EPHA6: variants seen among roughly 807,000 people sequenced by gnomAD.
EPHA6 encodes EPH receptor A6, also known as ephrin type-A receptor 6.
Under a neutral mutation model 112.0 loss-of-function variants are expected in EPHA6, and 50 were observed. The observed-to-expected ratio is 0.45, with a 90% CI of 0.36 to 0.56. The LOEUF is 0.56. Ranked by LOEUF, EPHA6 falls within the 20% of genes least tolerant of loss-of-function variation. The pLI is 0.00. For synonymous variants in EPHA6, 529 were observed against 490.7 expected (o/e 1.08, Z -1.03); for missense variants, 1,280 against 1,417.4 (o/e 0.90, Z 1.56).
intron 3 of EPHA6, among the ~76,000 whole-genome samples, chr3:97,126,302 G>A (rs757659265): frequency 1.3e-5 from 2 of 152,158 alleles, no homozygotes; most frequent in African/African-American, 2.4e-5. Context: ...ACATGCACTG[G>A]CAGCTTGGAG....
At chr3:97,409,745 C>T (rs1019196940) in intron 6 of EPHA6, among the ~76,000 whole-genome samples, 7 of 152,004 alleles carry the variant, frequency 4.6e-5, no homozygotes, top group African/African-American at 1.7e-4. Context: ...TTCTCACATC[C>T]AGTATTTTAA....
rs117527701 is a variant in EPHA6, at chr3:97,719,601, A to C, written c.2785-660A>C. On this transcript the variant is annotated intron_variant, in intron 14 of 17. Coordinates refer to ENST00000389672, the MANE Select transcript of EPHA6 (RefSeq NM_001080448.3). ...GCAGACTTTAATTCTTGAACCTTTA[A>C]ATTCATACAATTTAATTCCTTTAAT... is the stretch of plus-strand genomic sequence containing the variant. Among the ~76,000 whole-genome samples the C allele has an allele frequency of 5.4e-4, 82 of 152,344 alleles. 3 individuals carry two copies. In the East Asian group the frequency reaches 0.015, roughly 28 times the overall value.
At chr3:96,933,413 A>G (rs1029870348) in intron 2 of EPHA6, among the ~76,000 whole-genome samples, 6 of 152,032 alleles carry the variant, frequency 3.9e-5, no homozygotes, top group Non-Finnish European at 8.8e-5. Context: ...TTTTAGCTAA[A>G]TATGTTTATA....
At chr3:97,363,171 AAT>A (rs58214738) in intron 5 of EPHA6, among the ~76,000 whole-genome samples, 9 of 51,456 alleles carry the variant, frequency 1.7e-4, no homozygotes, top group Admixed American at 6.4e-4. Context: ...TTGCCCCTGC[AAT>A]ATATATATAT....
At chr3:97,339,778 TG>T (rs2083218416) in intron 5 of EPHA6, among the ~76,000 whole-genome samples, 1 of 152,214 alleles carries the variant, frequency 6.6e-6, no homozygotes, top group African/African-American at 2.4e-5. Context: ...CAGTAGCTCC[TG>T]GGTACTCCAC....
intron 1 of EPHA6, 31 bp from the exon 2 acceptor site, chr3:96,866,794 C>T (rs931856281): frequency 6.2e-6 from 8 of 1,291,318 alleles, no homozygotes; most frequent in Middle Eastern, 2.3e-4. Context: ...TTGAGAAATT[C>T]ATGGAATTTT....
At chr3:97,118,197 C>A (rs927298744) in intron 3 of EPHA6, among the ~76,000 whole-genome samples, 2 of 151,710 alleles carry the variant, frequency 1.3e-5, no homozygotes, top group African/African-American at 4.8e-5. Flanking sequence ...GTGCTTTGGA[C>A]CTTATTTCAG....
chr3:97,306,179 C>T (rs1215965313), intron 5 of EPHA6, among the ~76,000 whole-genome samples: 1 of 151,774 alleles, frequency 6.6e-6, no homozygotes, highest in Non-Finnish European at 1.5e-5. Flanking sequence ...GGTACCTATC[C>T]CTCTATCATG....
At chr3:96,969,000 A>G (rs2042224148) in intron 2 of EPHA6, among the ~76,000 whole-genome samples, 1 of 151,920 alleles carries the variant, frequency 6.6e-6, no homozygotes, top group Non-Finnish European at 1.5e-5. Flanking sequence ...AGTAAATCTA[A>G]ATTACACTCT....
At chr3:96,994,730 T>TAGAGAGAGAGAGAGAGAGAGAGAGAG (rs1325190702) in intron 3 of EPHA6, among the ~76,000 whole-genome samples, 7 of 82,830 alleles carry the variant, frequency 8.5e-5, no homozygotes, top group African/African-American at 5.0e-4. Flanking sequence ...TATATATATA[T>TAGAGAGAGAGAGAGAGAGAGAGAGAG]ATAGAGAGAG....
At chr3:97,155,672 G>T (rs2076272689) in intron 3 of EPHA6, among the ~76,000 whole-genome samples, 1 of 152,102 alleles carries the variant, frequency 6.6e-6, no homozygotes, top group Non-Finnish European at 1.5e-5. Context: ...AAGCTCATTT[G>T]AGTTGTTGGT....
intron 12 of EPHA6, among the ~76,000 whole-genome samples, chr3:97,602,770 G>T (rs1460042957): frequency 1.3e-5 from 2 of 151,982 alleles, no homozygotes; most frequent in African/African-American, 4.8e-5. Context: ...ATTTAGAGTA[G>T]TATCTATTTT....
At position 96,987,799 on chromosome 3, in the gene EPHA6, A is replaced by G. The variant is rs752269854; in HGVS notation, c.920A>G (p.Asn307Ser). ...FYKKCPFTVR[N>S]LAMFPDTIPR... is the part of the protein sequence containing the mutation. ...AAGAAATGCCCCTTCACTGTTCGTAACTTGGCCATGTTTCCTGATACCATT... is the reference window on the plus strand; with the variant it reads ...AAGAAATGCCCCTTCACTGTTCGTAGCTTGGCCATGTTTCCTGATACCATT... Residue 307 changes from asparagine (N) to serine (S), a missense_variant, in exon 3 of 18, where the codon AAC (asparagine) becomes AGC (serine). Asn to Ser is a conservative substitution (Grantham distance 46). This residue lies in a region of EPHA6 where 878 missense variants were observed against 999.7 expected (regional missense o/e 0.88). Coordinates refer to ENST00000389672, the MANE Select transcript of EPHA6 (RefSeq NM_001080448.3). 1 of 1,613,806 alleles carries G rather than the reference A, an allele frequency of 6.2e-7. No individual in the cohort carries two copies. Among genetic ancestry groups the G allele is most frequent in the Non-Finnish European group, 8.5e-7 (1 of 1,179,894 alleles).
intron 13 of EPHA6, among the ~76,000 whole-genome samples, chr3:97,628,042 G>A (rs1163559034): frequency 2.6e-5 from 4 of 151,906 alleles, no homozygotes; most frequent in African/African-American, 9.7e-5. Context: ...TTGGAATAGA[G>A]GCATAGCATG....
At chr3:97,101,058 T>C (rs955525726) in intron 3 of EPHA6, among the ~76,000 whole-genome samples, 4 of 152,050 alleles carry the variant, frequency 2.6e-5, no homozygotes, top group African/African-American at 9.7e-5. Context: ...GATTTTCAAC[T>C]TAAGGCACAT....
At chr3:97,714,932 G>T (rs2034146061) in intron 14 of EPHA6, among the ~76,000 whole-genome samples, 1 of 152,104 alleles carries the variant, frequency 6.6e-6, no homozygotes, top group Non-Finnish European at 1.5e-5. Flanking sequence ...AATAACCAAT[G>T]GTTACCCATT....
At chr3:97,181,169 G>A (rs1488843467) in intron 3 of EPHA6, among the ~76,000 whole-genome samples, 1 of 152,112 alleles carries the variant, frequency 6.6e-6, no homozygotes, top group Non-Finnish European at 1.5e-5. Context: ...TGAGTACATT[G>A]TCTCAGAATT....
At chr3:97,565,901 C>T (rs1378608499) in intron 11 of EPHA6, among the ~76,000 whole-genome samples, 1 of 151,442 alleles carries the variant, frequency 6.6e-6, no homozygotes, top group Admixed American at 6.6e-5. Context: ...CCTGTAGTCC[C>T]AGCTACATGG....
At chr3:97,631,905 C>A (rs1398776463) in intron 13 of EPHA6, among the ~76,000 whole-genome samples, 1 of 151,960 alleles carries the variant, frequency 6.6e-6, no homozygotes, top group African/African-American at 2.4e-5. Context: ...GTCCATAGAT[C>A]TTTGACAGTT....
Sources: gnomAD v4.1 joint callset for allele counts (sites outside exome capture counted in the v4.1 genomes callset) on GRCh38, gnomAD v4.1.1 for gene constraint, gnomAD v4.1.1 regional missense constraint, MANE v1.5 for transcripts, NCBI Gene and HGNC (gene_info 2026-07-23, HGNC 2026-07-21) for gene names.